PIK3R3: variants seen among roughly 807,000 people sequenced by gnomAD.
PIK3R3 encodes phosphatidylinositol 3-kinase regulatory subunit gamma.
Under a neutral mutation model 62.9 loss-of-function variants are expected in PIK3R3, and 64 were observed. The ratio of observed to expected loss-of-function variants is 1.02; its 90% CI spans 0.83 to 1.25. The LOEUF (loss-of-function observed/expected upper bound fraction) is 1.25, where lower values mean the gene tolerates loss of function less well. Among genes scored for constraint, PIK3R3 ranks in the 50% most tolerant of loss-of-function variants. The pLI, the probability that PIK3R3 is intolerant of heterozygous loss-of-function variation, is 0.00. For synonymous variants in PIK3R3, 165 were observed against 189.0 expected (o/e 0.87, Z 1.04); for missense variants, 614 against 561.6 (o/e 1.09, Z -0.94).
the PIK3R3 span, among the ~76,000 whole-genome samples, chr1:46,147,920 A>AG: frequency 6.6e-6 from 1 of 152,228 alleles, no homozygotes; most frequent in Non-Finnish European, 1.5e-5. Flanking sequence ...TCAAAAAAAA[A>AG]GGGAGTAAGA....
intron 3 of PIK3R3, among the ~76,000 whole-genome samples, chr1:46,070,604 T>TAATTAATTTCA (rs1245295619): frequency 6.6e-6 from 1 of 152,232 alleles, no homozygotes; most frequent in Non-Finnish European, 1.5e-5. Context: ...TTAGTGGTCA[T>TAATTAATTTCA]AATTAATGTG....
At chr1:46,045,314 ATGTTTGCCTTCT>A (rs1377801408) in intron 9 of PIK3R3, among the ~76,000 whole-genome samples, 1 of 152,202 alleles carries the variant, frequency 6.6e-6, no homozygotes, top group African/African-American at 2.4e-5. Flanking sequence ...GTCAGTGAAG[ATGTTTGCCTTCT>A]TAAAGAATAT....
chr1:46,076,953 C>A (rs987388033), intron 3 of PIK3R3, among the ~76,000 whole-genome samples: 3 of 152,076 alleles, frequency 2.0e-5, no homozygotes, highest in Admixed American at 1.3e-4. Context: ...AACTGGGCTA[C>A]TTTAATTATT....
At chr1:46,141,522 C>T in the PIK3R3 span, among the ~76,000 whole-genome samples, 3 of 150,064 alleles carry the variant, frequency 2.0e-5, no homozygotes, top group East Asian at 2.0e-4. Flanking sequence ...CCACCTGCCT[C>T]GGCCTCCCAA....
At chr1:46,133,090 G>A, upstream of PIK3R3, 3 of 973,154 alleles carry the variant, frequency 3.1e-6, no homozygotes, top group South Asian at 4.1e-5. Flanking sequence ...GAAGGAGCGG[G>A]AGACGGCTGC....
At chr1:46,099,690 A>T (rs1024327347) in intron 1 of PIK3R3, among the ~76,000 whole-genome samples, 1 of 152,164 alleles carries the variant, frequency 6.6e-6, no homozygotes, top group African/African-American at 2.4e-5. Flanking sequence ...GCTTTTACAA[A>T]CAATGTTGCT....
intron 1 of PIK3R3, among the ~76,000 whole-genome samples, chr1:46,090,850 A>C (rs1651561219): frequency 6.6e-6 from 1 of 152,216 alleles, no homozygotes; most frequent in Admixed American, 6.5e-5. Flanking sequence ...TAGTAGACTG[A>C]AATCAGCCAC....
chr1:46,125,761 C>CTT (rs947834071), intron 1 of PIK3R3, among the ~76,000 whole-genome samples: 5 of 143,986 alleles, frequency 3.5e-5, no homozygotes, highest in Non-Finnish European at 4.6e-5. Flanking sequence ...TCTAGAGTTT[C>CTT]TTTTTTTTTT....
the PIK3R3 span, among the ~76,000 whole-genome samples, chr1:46,153,961 T>A: frequency 6.6e-6 from 1 of 152,176 alleles, no homozygotes; most frequent in Admixed American, 6.5e-5. Context: ...TAGGACTTGA[T>A]CTAGAAGGAT....
chr1:46,129,870 T>C (rs1330411009), intron 1 of PIK3R3, among the ~76,000 whole-genome samples: 6 of 152,222 alleles, frequency 3.9e-5, no homozygotes, highest in Non-Finnish European at 8.8e-5. Context: ...GAACAGCATA[T>C]GTATTTTTCA....
chr1:46,083,797 T>C (rs1650821473), intron 1 of PIK3R3, among the ~76,000 whole-genome samples: 1 of 152,136 alleles, frequency 6.6e-6, no homozygotes, highest in Admixed American at 6.5e-5. Context: ...TTGGTGAGGA[T>C]GTAGAGAAAT....
intron 3 of PIK3R3, among the ~76,000 whole-genome samples, chr1:46,072,958 A>AAT (rs56768076): frequency 0.028 from 4,131 of 146,930 alleles, 95 homozygotes; most frequent in Non-Finnish European, 0.043. Context: ...AATATAAATA[A>AAT]ATATATATAT....
At chr1:46,047,599 T>C (rs1017788071) in intron 7 of PIK3R3, among the ~76,000 whole-genome samples, 1 of 152,162 alleles carries the variant, frequency 6.6e-6, no homozygotes, top group African/African-American at 2.4e-5. Flanking sequence ...TCGTTCATCA[T>C]TACCCACCAA....
chr1:46,110,520 G>C (rs990625328), intron 1 of PIK3R3, among the ~76,000 whole-genome samples: 1 of 151,798 alleles, frequency 6.6e-6, no homozygotes, highest in African/African-American at 2.4e-5. Flanking sequence ...GCCTTGTTAA[G>C]TAATACCTCT....
At chr1:46,085,598 T>A (rs1336577102) in intron 1 of PIK3R3, among the ~76,000 whole-genome samples, 2 of 152,234 alleles carry the variant, frequency 1.3e-5, no homozygotes, top group African/African-American at 4.8e-5. Flanking sequence ...AGCAGATTTA[T>A]ATCTATCTTC....
the PIK3R3 span, chr1:46,138,980 T>C: frequency 6.6e-6 from 1 of 152,250 alleles, no homozygotes; most frequent in African/African-American, 2.4e-5. Flanking sequence ...TCCCTGTTGA[T>C]GTCAGTGTGT....
chr1:46,080,051 A>T (rs1193364008), intron 2 of PIK3R3, among the ~76,000 whole-genome samples: 1 of 150,822 alleles, frequency 6.6e-6, no homozygotes, highest in African/African-American at 2.4e-5. Context: ...TTTTTAAGTG[A>T]GCTTTTTCTT....
chr1:46,069,828 A>T (rs1439160721), intron 3 of PIK3R3, among the ~76,000 whole-genome samples: 1 of 152,198 alleles, frequency 6.6e-6, no homozygotes, highest in Non-Finnish European at 1.5e-5. Flanking sequence ...GCAATTAATG[A>T]AGTGAGAGGA....
Position 46,040,519 on chromosome 1 carries a change from C to CTAAA in PIK3R3, c.*3150_*3153dup, listed in dbSNP as rs1394108432. The CTAAA allele has an allele frequency of 1.3e-5, 3 of 228,788 alleles. No homozygotes were observed. Among genetic ancestry groups the CTAAA allele is most frequent in the African/African-American group, 4.4e-5 (2 of 45,086 alleles). The allele number at this position is 228,788 out of a possible 1,614,324, so 14.2% of individuals were successfully genotyped here. A position where few individuals can be genotyped will look rare whatever the true frequency, so the allele number is the denominator to read the frequency against. ...GGTTGTTTGCCACAAGTGGCTGGAG[C>CTAAA]TAAAGCAGGTTTGAGCAGTTGGCAG... On this transcript the variant is annotated 3_prime_UTR_variant, in exon 10 of 10. Transcript: ENST00000262741.
Sources: gnomAD v4.1 joint callset for allele counts (sites outside exome capture counted in the v4.1 genomes callset) on GRCh38, gnomAD v4.1.1 for gene constraint, MANE v1.5 for transcripts, NCBI Gene and HGNC (gene_info 2026-07-23, HGNC 2026-07-21) for gene names.